VSIG10: variants seen among roughly 807,000 people sequenced by gnomAD.
The protein encoded by VSIG10 is V-set and immunoglobulin domain-containing protein 10.
VSIG10 carries 48 observed loss-of-function variants against 58.7 expected under a neutral mutation model. The ratio of observed to expected loss-of-function variants is 0.82; its 90% confidence interval spans 0.65 to 1.04. VSIG10 has a LOEUF of 1.04. Ranked by LOEUF, VSIG10 falls within the 50% of genes least tolerant of loss-of-function variation. The probability of loss-of-function intolerance (pLI) is 0.00; values close to 1 mark genes in which losing one functional copy is unlikely to be tolerated. For synonymous variants in VSIG10, 260 were observed against 267.1 expected, an observed-to-expected ratio of 0.97 and a Z score of 0.26; for missense variants, 628 against 670.0, an observed-to-expected ratio of 0.94 and a Z score of 0.69.
Position 118,079,503 on chromosome 12 carries a change from G to T in VSIG10, c.768C>A (p.Phe256Leu), listed in dbSNP as rs201860760. The change falls in exon 4 of 9, where the codon TTC becomes TTA. Residue 256 changes from phenylalanine (F) to leucine (L), a missense_variant. By Grantham distance (22) the Phe-to-Leu change is conservative. Transcript: ENST00000359236. ...CACCTCCTGGCTCTTCTATCCACAG[G>T]AAGTCAGGGTCAGGGTATCCCCCAT... ...RWDGGYPDPD[F>L]LWIEEPGGVI... 2.1e-5 allele frequency: 34 copies of T among 1,614,016 alleles called. No homozygotes were observed. The African/African-American group carries it at 3.9e-4, about 18-fold the overall frequency.
intron 8 of VSIG10, 94 bp downstream of exon 8, chr12:118,068,283 C>G (rs1408299147): frequency 7.6e-7 from 1 of 1,311,772 alleles, no homozygotes; most frequent in African/African-American, 1.5e-5. Flanking sequence ...GATCTTCCCA[C>G]CTTGGCCTCC....
chr12:118,068,629 G>A, intron 7 of VSIG10, 32 bp from the exon 8 acceptor site: 1 of 1,498,400 alleles, frequency 6.7e-7, no homozygotes, highest in Non-Finnish European at 8.9e-7. Context: ...TAATCAAGAA[G>A]ATTTCTTATT....
intron 2 of VSIG10, among the ~76,000 whole-genome samples, chr12:118,090,706 G>A (rs999040755): frequency 1.3e-5 from 2 of 152,162 alleles, no homozygotes; most frequent in African/African-American, 4.8e-5. Context: ...AGGATGGAGT[G>A]CAGTGGTGTG....
At position 118,064,897 on chromosome 12, in the gene VSIG10, AG is replaced by A. The variant is rs2032196922; in HGVS notation, c.*1741del. 1 of 152,222 alleles carries A rather than the reference AG, an allele frequency of 6.6e-6. No homozygotes were observed. The highest frequency in any genetic ancestry group is 2.4e-5 in the African/African-American group (1 of 41,456). 9.4% of individuals were successfully genotyped at this position (152,222 alleles called of 1,614,324 possible). On this transcript the variant is annotated 3_prime_UTR_variant, in exon 9 of 9. Coordinates refer to ENST00000359236, the MANE Select transcript of VSIG10 (RefSeq NM_019086.6). ...AGTCCCAGTTCCTAGAATTGGAGAA[AG>A]GAAGTTCCCCTTTAAGCCCTAGGTC...
Position 118,063,614 on chromosome 12 carries a change from C to G in VSIG10, c.*3025G>C, listed in dbSNP as rs1341212721. On this transcript the variant is annotated 3_prime_UTR_variant, in exon 9 of 9. Coordinates refer to ENST00000359236, the MANE Select transcript of VSIG10 (RefSeq NM_019086.6). Reference sequence around the variant, plus strand: ...GCACTTACTTAAAAATAGCTTTATTCCATTATCTTTTAAAAAAGGCATATG... The same window carrying G: ...GCACTTACTTAAAAATAGCTTTATTGCATTATCTTTTAAAAAAGGCATATG... 6.6e-6 allele frequency: 1 copy of G among 152,078 alleles called. No individual in the cohort carries two copies. The highest frequency in any genetic ancestry group is 2.4e-5 in the African/African-American group (1 of 41,420). The allele number at this position is 152,078 out of a possible 1,614,324, so 9.4% of individuals were successfully genotyped here.
rs2033436112 is a variant in VSIG10, at chr12:118,095,875, T to C, written c.80-61A>G. The C allele has an allele frequency of 2.6e-6, 4 of 1,522,984 alleles. No homozygotes were observed. In the South Asian group the frequency reaches 4.9e-5, roughly 19 times the overall value. The allele number at this position is 1,522,984 out of a possible 1,614,324, so 94.3% of individuals were successfully genotyped here. On this transcript the variant is annotated intron_variant, in intron 1 of 8. Transcript: ENST00000359236. The stretch of plus-strand genomic sequence containing the variant: ...TTAATTTCTAAACAATGTCCCTTTT[T>C]GGACAGTACTCCTGTATTAGGATTT...
intron 1 of VSIG10, among the ~76,000 whole-genome samples, chr12:118,097,767 C>T (rs1439290170): frequency 2.6e-5 from 4 of 151,754 alleles, no homozygotes; most frequent in Admixed American, 2.0e-4. Flanking sequence ...ACTAAAAATA[C>T]AAAAACTTAG....
At chr12:118,068,045 T>TTTTTTTTGGC (rs71450254) in intron 8 of VSIG10, among the ~76,000 whole-genome samples, 1 of 141,190 alleles carries the variant, frequency 7.1e-6, no homozygotes, top group Non-Finnish European at 1.5e-5. Context: ...TTTTTTTTTT[T>TTTTTTTTGGC]CTGAGGCAGG....
intron 2 of VSIG10, among the ~76,000 whole-genome samples, chr12:118,094,847 C>T (rs1333086703): frequency 1.3e-5 from 2 of 152,018 alleles, no homozygotes; most frequent in Admixed American, 6.6e-5. Context: ...AGCAATTCTC[C>T]TGCCTCAGCC....
At position 118,066,493 on chromosome 12, in the gene VSIG10, T is replaced by C. The variant is rs2032250148; in HGVS notation, c.*146A>G. On this transcript the variant is annotated 3_prime_UTR_variant, in exon 9 of 9. Coordinates refer to ENST00000359236, the MANE Select transcript of VSIG10 (RefSeq NM_019086.6). ...TACATGGAAGGAAAGATGTGTGTGC[T>C]TGGTTTTGTTTTTTGCTGAGACCCA... The C allele has an allele frequency of 3.9e-6, 3 of 774,702 alleles. No homozygotes were observed. Among genetic ancestry groups the C allele is most frequent in the Non-Finnish European group, 4.5e-6 (2 of 441,402 alleles). The allele number at this position is 774,702 out of a possible 1,614,324, so 48.0% of individuals were successfully genotyped here.
At chr12:118,084,375 A>G (rs182461599) in intron 2 of VSIG10, among the ~76,000 whole-genome samples, 305 of 152,274 alleles carry the variant, frequency 2.0e-3, no homozygotes, top group African/African-American at 7.0e-3. Context: ...TTATTCGAAA[A>G]TGACTTCAGA....
chr12:118,087,043 G>T (rs567530669), intron 2 of VSIG10, among the ~76,000 whole-genome samples: 4 of 150,536 alleles, frequency 2.7e-5, no homozygotes, highest in Admixed American at 2.0e-4. Context: ...GATTACAGGC[G>T]TGAGCCACCA....
chr12:118,079,969 G>C (rs2032886672), intron 3 of VSIG10, among the ~76,000 whole-genome samples: 1 of 152,156 alleles, frequency 6.6e-6, no homozygotes, highest in Admixed American at 6.6e-5. Flanking sequence ...AAGTAGCTGG[G>C]ATTACAGGCA....
Position 118,082,182 on chromosome 12 carries a change from G to A in VSIG10, c.609C>T (p.Ala203=), listed in dbSNP as rs561046130. Residue 203 remains alanine (A), a synonymous_variant, in exon 3 of 9, where the codon GCC becomes GCT. Coordinates refer to ENST00000359236, the MANE Select transcript of VSIG10 (RefSeq NM_019086.6). ...GATGTCTCTTGCTGAGCTGATTCAA[G>A]GCTAAACAGGTGTAGTTCCCTTGGA... ...PNLQGNYTCL[A]LNQLSKRHRK... is the part of the protein sequence containing the mutation. The A allele has an allele frequency of 1.9e-6, 3 of 1,613,980 alleles. No homozygotes were observed. In the East Asian group the frequency reaches 6.7e-5, roughly 36 times the overall value.
At position 118,071,360 on chromosome 12, in the gene VSIG10, T is replaced by C. The variant is rs1424880508; in HGVS notation, c.1329A>G (p.Lys443=). Residue 443 remains lysine, a splice_region_variant and synonymous_variant, in exon 6 of 9, where the codon AAA becomes AAG. Coordinates refer to ENST00000359236, the MANE Select transcript of VSIG10 (RefSeq NM_019086.6). ...LLHYSPVFCW[K]VGNTSRGQNM... ...CTAAAGGACCCAGGGAGTCCTTACC[T>C]TTCCAGCAGAACACAGGGCTATAAT... 3 of 1,613,600 alleles carry C rather than the reference T, an allele frequency of 1.9e-6. No individual in the cohort carries two copies. In the Admixed American group the frequency reaches 5.0e-5, roughly 27 times the overall value.
chr12:118,099,315 G>A (rs1396027000), intron 1 of VSIG10, among the ~76,000 whole-genome samples: 1 of 151,834 alleles, frequency 6.6e-6, no homozygotes, highest in Non-Finnish European at 1.5e-5. Context: ...GAGGGGCGGC[G>A]GGTTGGGGTG....
At chr12:118,090,553 G>C (rs1045221895) in intron 2 of VSIG10, among the ~76,000 whole-genome samples, 4 of 152,040 alleles carry the variant, frequency 2.6e-5, no homozygotes, top group African/African-American at 9.7e-5. Flanking sequence ...TCTTACACAC[G>C]AGGCGAGGCC....
intron 2 of VSIG10, among the ~76,000 whole-genome samples, chr12:118,085,241 A>G (rs1021892475): frequency 3.9e-5 from 6 of 152,320 alleles, no homozygotes; most frequent in East Asian, 3.9e-4. Flanking sequence ...TCCATCAGCC[A>G]GGAAACATGG....
intron 4 of VSIG10, among the ~76,000 whole-genome samples, chr12:118,076,408 G>C (rs897492696): frequency 2.7e-5 from 4 of 149,830 alleles, no homozygotes; most frequent in African/African-American, 7.4e-5. Flanking sequence ...GTTAGTGTTA[G>C]TGTTTGTGTG....
Sources: allele counts gnomAD v4.1 joint callset (sites outside exome capture counted in the v4.1 genomes callset), GRCh38; gene constraint gnomAD v4.1.1; transcripts MANE v1.5; gene names NCBI Gene and HGNC (gene_info 2026-07-23, HGNC 2026-07-21).